PRELID3A: variants seen among roughly 807,000 people sequenced by gnomAD.
PRELID3A encodes the protein PRELI domain containing 3A, also known as PRELI domain containing protein 3A.
Under a neutral mutation model 23.0 loss-of-function variants are expected in PRELID3A, and 27 were observed. The observed-to-expected ratio is 1.17, with a 90% CI of 0.87 to 1.62. The LOEUF is 1.62. Among genes scored for constraint, PRELID3A ranks in the 40% most tolerant of loss-of-function variants. PRELID3A has a pLI of 0.00. For synonymous variants in PRELID3A, 87 were observed against 86.4 expected, an observed-to-expected ratio of 1.01 and a Z score of -0.04; for missense variants, 231 against 231.4, an observed-to-expected ratio of 1.00 and a Z score of 0.01.
rs1236475660 is a variant in PRELID3A at position 12,418,675 on chromosome 18, G to A, written c.33-1650G>A. On this transcript the variant is annotated intron_variant, in intron 1 of 6. Coordinates refer to ENST00000440960, the MANE Select transcript of PRELID3A (RefSeq NM_001142405.2). ...AGGCTCAGAGGCTTCCTGGGAGAGA[G>A]CACACCTTGAAGGAAGGGTGGATTA... is the stretch of plus-strand genomic sequence containing the variant. 2.6e-5 allele frequency among the ~76,000 whole-genome samples: 4 copies of A among 152,324 alleles called. No individual in the cohort carries two copies. The East Asian group carries it at 7.7e-4, about 29-fold the overall frequency.
In PRELID3A at chr18:12,420,399, T is replaced by C; in HGVS notation, c.107T>C (p.Val36Ala). The C allele has an allele frequency of 1.2e-6, 2 of 1,608,762 alleles. No homozygotes were observed. The highest frequency in any genetic ancestry group is 1.7e-6 in the Non-Finnish European group (2 of 1,178,260). ...PNPMNPSVLGVDVLQRRVDGR... is the reference protein window; with the variant it reads ...PNPMNPSVLGADVLQRRVDGR... ...CCGATGAACCCGAGCGTGCTGGGCG[T>C]GGATGTGCTACAGCGCCGCGTGGAC... Residue 36 changes from valine to alanine, a missense_variant, in exon 2 of 7, where the codon GTG becomes GCG. By Grantham distance (64) the Val-to-Ala change is moderately conservative (BLOSUM62 0). Coordinates refer to ENST00000440960, the MANE Select transcript of PRELID3A (RefSeq NM_001142405.2).
chr18:12,421,283 G>A, intron 2 of PRELID3A: 1 of 466,938 alleles, frequency 2.1e-6, no homozygotes, highest in Non-Finnish European at 3.8e-6. Flanking sequence ...TAGCTCCACT[G>A]CCCGCAGCCT....
chr18:12,407,958 C>A lies in PRELID3A; in HGVS notation c.-18C>A. On this transcript the variant is annotated 5_prime_UTR_variant, in exon 1 of 7. Transcript: ENST00000440960. ...CACCCGGCCCGGATCGCAGAGCCCG[C>A]GCCCTGCGCCGGCGGCAATGAAGAT... The A allele has an allele frequency of 3.1e-6, 4 of 1,293,832 alleles. No homozygotes were observed. The highest frequency in any genetic ancestry group is 3.9e-6 in the Non-Finnish European group (4 of 1,022,990). 80.1% of individuals were successfully genotyped at this position (1,293,832 alleles called of 1,614,324 possible).
intron 1 of PRELID3A, among the ~76,000 whole-genome samples, chr18:12,416,906 A>G (rs1457068859): frequency 6.6e-6 from 1 of 151,900 alleles, no homozygotes; most frequent in African/African-American, 2.4e-5. Context: ...CGGCCTCCCA[A>G]AGTACTGGGA....
chr18:12,424,540 C>T (rs753501263), intron 3 of PRELID3A, among the ~76,000 whole-genome samples: 8 of 152,270 alleles, frequency 5.3e-5, no homozygotes, highest in Middle Eastern at 3.4e-3. Flanking sequence ...TTGAATGTAA[C>T]GCCCATACAC....
intron 1 of PRELID3A, 103 bp from the exon 2 acceptor site, chr18:12,420,222 G>T (rs1453207829): frequency 3.4e-6 from 5 of 1,464,570 alleles, no homozygotes; most frequent in Non-Finnish European, 3.6e-6. Flanking sequence ...TTAAAGTGAA[G>T]AGACTAGCGC....
In PRELID3A at chr18:12,432,074, G is replaced by T. The variant is rs1431378794; in HGVS notation, c.*958G>T. On this transcript the variant is annotated 3_prime_UTR_variant, in exon 7 of 7. Transcript: ENST00000440960. Reference sequence around the variant, plus strand: ...GCAACCCATGCTTATGGTTAAAAAAGAGTACAGGAGTCTGGAGTCCGTTGA... The same window carrying T: ...GCAACCCATGCTTATGGTTAAAAAATAGTACAGGAGTCTGGAGTCCGTTGA... 6.6e-6 allele frequency: 1 copy of T among 152,212 alleles called. No homozygotes were observed. The highest frequency in any genetic ancestry group is 1.5e-5 in the Non-Finnish European group (1 of 68,036). The allele number at this position is 152,212 out of a possible 1,614,324, so 9.4% of individuals were successfully genotyped here. A position where few individuals can be genotyped will look rare whatever the true frequency, so the allele number is the denominator to read the frequency against.
In PRELID3A at chr18:12,421,527, C is replaced by T. The variant is rs773635250; in HGVS notation, c.202-13C>T. The T allele has an allele frequency of 2.3e-4, 364 of 1,576,032 alleles. 1 individual carries two copies. The highest frequency in any genetic ancestry group is 3.0e-4 in the Non-Finnish European group (339 of 1,145,418). On this transcript the variant is annotated splice_polypyrimidine_tract_variant and intron_variant, in intron 2 of 6. Transcript: ENST00000440960. ...TTAACGTTCCACTATGCTAGTTTTG[C>T]TTTGTTTTCTAGATTTTGGGAACCA...
chr18:12,418,973 G>A (rs2143350571), intron 1 of PRELID3A, among the ~76,000 whole-genome samples: 1 of 152,302 alleles, frequency 6.6e-6, no homozygotes, highest in East Asian at 1.9e-4. Flanking sequence ...AGGATTGCTT[G>A]AGGCCATGAG....
intron 5 of PRELID3A, 133 bp from the exon 6 acceptor site, chr18:12,429,217 G>A (rs896908349): frequency 2.5e-5 from 18 of 714,612 alleles, no homozygotes; most frequent in South Asian, 8.3e-5. Flanking sequence ...AAGATCACTC[G>A]GAAAGGTCAC....
Position 12,427,251 on chromosome 18 carries a change from T to C in PRELID3A, c.393T>C (p.Thr131=). Residue 131 remains threonine (T), a synonymous_variant, in exon 5 of 7, where the codon ACT becomes ACC. Transcript: ENST00000440960. ...TGCTCACACAAGAAGCCATCATCAC[T>C]GTGAAGGGGATTAGCCTTGGTAGTT... ...MTVLTQEAII[T]VKGISLGSYL... 1.2e-6 allele frequency: 2 copies of C among 1,614,178 alleles called. No homozygotes were observed. The highest frequency in any genetic ancestry group is 4.5e-5 in the East Asian group (2 of 44,882).
Position 12,420,471 on chromosome 18 carries a change from G to C in PRELID3A, c.179G>C (p.Gly60Ala). Residue 60 changes from glycine (G) to alanine (A), a missense_variant, in exon 2 of 7, where the codon GGG becomes GCG. Gly to Ala is a moderately conservative substitution (Grantham distance 60). Coordinates refer to ENST00000440960, the MANE Select transcript of PRELID3A (RefSeq NM_001142405.2). ...HSLRLLSTEW[G>A]LPSLVRAILG... is the part of the protein sequence containing the mutation. ...TTGCGCCTGCTCAGCACCGAGTGGGGGCTGCCCAGCCTCGTGAGAGCGGTG... is the reference window on the plus strand; with the variant it reads ...TTGCGCCTGCTCAGCACCGAGTGGGCGCTGCCCAGCCTCGTGAGAGCGGTG... 6.4e-7 allele frequency: 1 copy of C among 1,555,202 alleles called. No homozygotes were observed. Among genetic ancestry groups the C allele is most frequent in the East Asian group, 2.4e-5 (1 of 41,484 alleles).
chr18:12,423,430 G>A (rs2030255514), intron 3 of PRELID3A, among the ~76,000 whole-genome samples: 1 of 152,218 alleles, frequency 6.6e-6, no homozygotes, highest in South Asian at 2.1e-4. Flanking sequence ...TTGTCCAGGT[G>A]AGAGGTAGCA....
At position 12,431,597 on chromosome 18, in the gene PRELID3A, CCG is replaced by C. The variant is rs2030610056; in HGVS notation, c.*484_*485del. On this transcript the variant is annotated 3_prime_UTR_variant, in exon 7 of 7. Transcript: ENST00000440960. ...AGATCACCAAGCAGCTCTCCTGGGC[CCG>C]CGGCTGCTCCGGGCCTCACATCTGC... 6.6e-6 allele frequency: 1 copy of C among 152,540 alleles called. No homozygotes were observed. Among genetic ancestry groups the C allele is most frequent in the African/African-American group, 2.4e-5 (1 of 41,450 alleles). 9.4% of individuals were successfully genotyped at this position (152,540 alleles called of 1,614,324 possible).
At chr18:12,426,953 T>G (rs1451614261) in intron 3 of PRELID3A, 88 bp from the exon 4 acceptor site, 1 of 900,442 alleles carries the variant, frequency 1.1e-6, no homozygotes, top group Non-Finnish European at 1.8e-6. Flanking sequence ...CCCCACTAAG[T>G]GCTAATTTTG....
chr18:12,429,411 T>C lies in PRELID3A; in HGVS notation c.*8T>C, dbSNP rs1450687937. ...GAAAGCGCTGTGAGCTAAGGAGGCC[T>C]GTGCCTGTGCTTGTCATAAATGGTG... is the stretch of plus-strand genomic sequence containing the variant. On this transcript the variant is annotated 3_prime_UTR_variant, in exon 6 of 7. Coordinates refer to ENST00000440960, the MANE Select transcript of PRELID3A (RefSeq NM_001142405.2). The C allele has an allele frequency of 1.9e-6, 3 of 1,612,808 alleles. No homozygotes were observed. Among genetic ancestry groups the C allele is most frequent in the Non-Finnish European group, 2.5e-6 (3 of 1,179,120 alleles).
intron 1 of PRELID3A, 70 bp downstream of exon 1, chr18:12,408,077 C>T (rs1909780373): frequency 1.6e-6 from 2 of 1,215,930 alleles, no homozygotes; most frequent in Admixed American, 4.3e-5. Flanking sequence ...CCGGCTGGAG[C>T]GGTCCAGGAA....
At chr18:12,410,013 C>T (rs1359140116) in intron 1 of PRELID3A, among the ~76,000 whole-genome samples, 2 of 152,182 alleles carry the variant, frequency 1.3e-5, no homozygotes, top group Non-Finnish European at 2.9e-5. Context: ...CATTTTCACC[C>T]CTGCCCCAGG....
chr18:12,429,621 T>C (rs1460649341), intron 6 of PRELID3A, among the ~76,000 whole-genome samples, 185 bp downstream of exon 6: 2 of 152,220 alleles, frequency 1.3e-5, no homozygotes, highest in African/African-American at 4.8e-5. Context: ...CATTCCTTGC[T>C]TCGTGGCAGG....
Sources: allele counts gnomAD v4.1 joint callset (sites outside exome capture counted in the v4.1 genomes callset), GRCh38; gene constraint gnomAD v4.1.1; transcripts MANE v1.5; gene names NCBI Gene and HGNC (gene_info 2026-07-23, HGNC 2026-07-21).